The following DRC9 variants were observed in gnomAD, a reference collection of about 807,000 sequenced individuals.
The protein encoded by DRC9 is dynein regulatory complex protein 9.
At chr3:197,954,067 G>T in the DRC9 span, 1 of 1,614,058 alleles carries the variant, frequency 6.2e-7, no homozygotes, top group Non-Finnish European at 8.5e-7. Context: ...AGTAACTCGG[G>T]CCCATGGAAA....
At chr3:197,937,677 A>C in the DRC9 span, among the ~76,000 whole-genome samples, 20 of 151,950 alleles carry the variant, frequency 1.3e-4, no homozygotes, top group South Asian at 2.1e-4. Context: ...ACAGGGTTTC[A>C]CTTTATTGGC....
chr3:197,932,019 C>T, the DRC9 span, among the ~76,000 whole-genome samples: 1 of 152,120 alleles, frequency 6.6e-6, no homozygotes, highest in Admixed American at 6.6e-5. Context: ...GACTTATTGT[C>T]CCAGCAGAAC....
chr3:197,909,087 G>A, the DRC9 span, among the ~76,000 whole-genome samples: 1 of 152,222 alleles, frequency 6.6e-6, no homozygotes, highest in Non-Finnish European at 1.5e-5. Context: ...ATCTGAGCAG[G>A]TGTTCTCATT....
At chr3:197,939,873 T>C in the DRC9 span, among the ~76,000 whole-genome samples, 2 of 152,116 alleles carry the variant, frequency 1.3e-5, no homozygotes, top group African/African-American at 4.8e-5. Context: ...TCTACCTTTA[T>C]ACTTGGACAT....
At chr3:197,918,767 T>G in the DRC9 span, among the ~76,000 whole-genome samples, 1 of 152,184 alleles carries the variant, frequency 6.6e-6, no homozygotes. Flanking sequence ...GTCTTTAGCT[T>G]CTGCCCATGG....
At chr3:197,936,990 G>A in the DRC9 span, among the ~76,000 whole-genome samples, 2 of 152,184 alleles carry the variant, frequency 1.3e-5, no homozygotes, top group African/African-American at 2.4e-5. Context: ...AAAGAGGCAC[G>A]TAGTAAATAT....
chr3:197,953,931 T>C, the DRC9 span: 1 of 1,534,944 alleles, frequency 6.5e-7, no homozygotes, highest in African/African-American at 1.4e-5. Flanking sequence ...GAGCCACTCG[T>C]GTAGAGGTCA....
the DRC9 span, among the ~76,000 whole-genome samples, chr3:197,904,555 A>C: frequency 6.6e-6 from 1 of 152,182 alleles, no homozygotes; most frequent in Non-Finnish European, 1.5e-5. Flanking sequence ...AGTGTCTACC[A>C]ACAGACGAAC....
the DRC9 span, chr3:197,889,500 G>C: frequency 1.3e-6 from 2 of 1,497,944 alleles, no homozygotes; most frequent in Non-Finnish European, 1.9e-6. Flanking sequence ...AGTCATCTTT[G>C]AGGTACCAGG....
the DRC9 span, among the ~76,000 whole-genome samples, chr3:197,922,172 A>AT: frequency 2.0e-5 from 3 of 151,584 alleles, no homozygotes; most frequent in Non-Finnish European, 2.9e-5. Flanking sequence ...TTCTTAACCT[A>AT]TTTTTTTTGC....
At chr3:197,898,735 C>G in the DRC9 span, among the ~76,000 whole-genome samples, 1 of 152,150 alleles carries the variant, frequency 6.6e-6, no homozygotes. Context: ...CTCACTATCA[C>G]GAGAACAGCA....
chr3:197,935,490 AT>A, the DRC9 span, among the ~76,000 whole-genome samples: 1 of 151,936 alleles, frequency 6.6e-6, no homozygotes, highest in African/African-American at 2.4e-5. Flanking sequence ...AAAATTGTTA[AT>A]TAATTAATTA....
the DRC9 span, among the ~76,000 whole-genome samples, chr3:197,946,819 T>C: frequency 1.3e-5 from 2 of 152,266 alleles, no homozygotes; most frequent in South Asian, 4.1e-4. Flanking sequence ...ATACCTTTCT[T>C]TTTTTCTTTT....
the DRC9 span, among the ~76,000 whole-genome samples, chr3:197,896,983 T>G: frequency 1.3e-5 from 2 of 152,122 alleles, no homozygotes; most frequent in Admixed American, 1.3e-4. Flanking sequence ...GTGGGGACAC[T>G]GAACCGAACC....
chr3:197,913,798 C>T, the DRC9 span: 2 of 1,386,172 alleles, frequency 1.4e-6, no homozygotes, highest in East Asian at 2.3e-5. Context: ...TCTTTGTCTC[C>T]CTCCTTTGTT....
the DRC9 span, chr3:197,951,355 C>T: frequency 6.2e-7 from 1 of 1,600,086 alleles, no homozygotes; most frequent in South Asian, 1.1e-5. Flanking sequence ...TGAGATCTGC[C>T]TCATTTTCTT....
chr3:197,892,859 C>G, the DRC9 span: 2 of 1,452,590 alleles, frequency 1.4e-6, no homozygotes, highest in East Asian at 4.6e-5. Context: ...GCAGAACATT[C>G]CATAGTGAGA....
chr3:197,913,632 GGAGA>G, the DRC9 span: 1 of 593,940 alleles, frequency 1.7e-6, no homozygotes, highest in South Asian at 2.0e-5. Context: ...AAGTGACCAA[GGAGA>G]GAAAGTGCAG....
At chr3:197,952,094 T>G in the DRC9 span, among the ~76,000 whole-genome samples, 1 of 152,244 alleles carries the variant, frequency 6.6e-6, no homozygotes, top group East Asian at 1.9e-4. Context: ...TCGGCTCCTT[T>G]TGCCAGAATT....
Sources: allele counts gnomAD v4.1 joint callset (sites outside exome capture counted in the v4.1 genomes callset), GRCh38; gene constraint gnomAD v4.1.1; transcripts MANE v1.5; gene names NCBI Gene and HGNC (gene_info 2026-07-23, HGNC 2026-07-21).